The following CRY1 variants were observed in gnomAD, a reference collection of about 807,000 sequenced individuals.
CRY1 encodes the protein cryptochrome-1.
A neutral mutation model predicts 76.0 loss-of-function variants in CRY1; 45 were observed. That is an observed-to-expected ratio of 0.59 (90% CI 0.47 to 0.76). The LOEUF is 0.76. Among genes scored for constraint, CRY1 ranks in the 30% least tolerant of loss-of-function variants. The pLI is 0.00. For synonymous variants in CRY1, 248 were observed against 244.0 expected, an observed-to-expected ratio of 1.02 and a Z score of -0.15; for missense variants, 587 against 716.4, an observed-to-expected ratio of 0.82 and a Z score of 2.06.
intron 1 of CRY1, among the ~76,000 whole-genome samples, chr12:107,025,168 T>C (rs1169194165): frequency 6.6e-6 from 1 of 152,160 alleles, no homozygotes; most frequent in East Asian, 1.9e-4. Flanking sequence ...GGGTTTGAGA[T>C]AGGGGTGAGA....
At chr12:107,072,565 A>G (rs1953202889) in intron 1 of CRY1, among the ~76,000 whole-genome samples, 1 of 152,190 alleles carries the variant, frequency 6.6e-6, no homozygotes. Context: ...TGGGGGCATA[A>G]AAAGGATAGG....
intron 1 of CRY1, among the ~76,000 whole-genome samples, chr12:107,081,418 A>T (rs1953324005): frequency 6.6e-6 from 1 of 152,044 alleles, no homozygotes; most frequent in African/African-American, 2.4e-5. Context: ...TTCCCCAGAT[A>T]CATGTATAGC....
At chr12:107,061,602 G>C (rs1278752081) in intron 1 of CRY1, among the ~76,000 whole-genome samples, 1 of 151,816 alleles carries the variant, frequency 6.6e-6, no homozygotes, top group African/African-American at 2.4e-5. Context: ...GGCTGGTCTT[G>C]AACTCCTGAC....
At chr12:107,066,794 T>C (rs1953117519) in intron 1 of CRY1, among the ~76,000 whole-genome samples, 1 of 151,890 alleles carries the variant, frequency 6.6e-6, no homozygotes, top group South Asian at 2.1e-4. Context: ...TGCTGTTGTT[T>C]GTTTTGTTTT....
intron 2 of CRY1, among the ~76,000 whole-genome samples, chr12:107,012,967 T>A (rs1242093647): frequency 6.6e-6 from 1 of 152,216 alleles, no homozygotes; most frequent in African/African-American, 2.4e-5. Flanking sequence ...AGGAGCCGCT[T>A]TCTATGGATG....
chr12:107,054,973 T>A (rs1952966513), intron 1 of CRY1, among the ~76,000 whole-genome samples: 1 of 152,080 alleles, frequency 6.6e-6, no homozygotes, highest in Admixed American at 6.5e-5. Context: ...TTTAACATTC[T>A]TCTGATAATA....
intron 1 of CRY1, among the ~76,000 whole-genome samples, chr12:107,053,517 C>T (rs1339947209): frequency 1.3e-5 from 2 of 152,136 alleles, no homozygotes; most frequent in African/African-American, 4.8e-5. Flanking sequence ...GGGGTTTCTC[C>T]ATGTTGGTCA....
intron 2 of CRY1, among the ~76,000 whole-genome samples, chr12:107,006,311 G>A (rs777172274): frequency 2.0e-5 from 3 of 152,006 alleles, no homozygotes; most frequent in Non-Finnish European, 4.4e-5. Context: ...ACTTGAACCC[G>A]GGAGGTGGAG....
At chr12:107,003,579 A>G (rs1417869332) in intron 3 of CRY1, among the ~76,000 whole-genome samples, 1 of 152,208 alleles carries the variant, frequency 6.6e-6, no homozygotes, top group Non-Finnish European at 1.5e-5. Context: ...TCACCATAAA[A>G]GATATCCTGT....
intron 2 of CRY1, among the ~76,000 whole-genome samples, chr12:107,021,574 C>T (rs532084077): frequency 6.6e-6 from 1 of 152,276 alleles, no homozygotes; most frequent in Admixed American, 6.5e-5. Flanking sequence ...TATGGAACAA[C>T]TTCCAAAAGA....
Position 107,093,163 on chromosome 12 carries a change from T to G in CRY1, c.-202A>C. 79 of 561,108 alleles carry G rather than the reference T, an allele frequency of 1.4e-4. No individual in the cohort carries two copies. The highest frequency in any genetic ancestry group is 1.6e-4 in the Non-Finnish European group (53 of 340,792). 34.8% of individuals were successfully genotyped at this position (561,108 alleles called of 1,614,324 possible). A position where few individuals can be genotyped will look rare whatever the true frequency, so the allele number is the denominator to read the frequency against. On this transcript the variant is annotated 5_prime_UTR_variant, in exon 1 of 13. Transcript: ENST00000008527. ...GGCGCAGTGGAAAGATGAATGGAGG[T>G]TGCCTAGTCGGCGGAGTCCGGGTGT...
At chr12:107,043,729 A>T (rs368981808) in intron 1 of CRY1, among the ~76,000 whole-genome samples, 12 of 152,218 alleles carry the variant, frequency 7.9e-5, no homozygotes, top group African/African-American at 2.9e-4. Flanking sequence ...GCAGGGTCCA[A>T]TGACAGCTGT....
chr12:107,013,013 C>T (rs1413211412), intron 2 of CRY1, among the ~76,000 whole-genome samples: 2 of 152,144 alleles, frequency 1.3e-5, no homozygotes, highest in African/African-American at 4.8e-5. Flanking sequence ...GAATCTACTG[C>T]TGGTGAAGAT....
At chr12:107,076,262 T>C (rs1195204978) in intron 1 of CRY1, among the ~76,000 whole-genome samples, 1 of 152,126 alleles carries the variant, frequency 6.6e-6, no homozygotes, top group Non-Finnish European at 1.5e-5. Context: ...AATGATTTCC[T>C]TTTTCAAGTA....
At chr12:107,045,706 T>C (rs1480453478) in intron 1 of CRY1, among the ~76,000 whole-genome samples, 1 of 152,066 alleles carries the variant, frequency 6.6e-6, no homozygotes, top group African/African-American at 2.4e-5. Flanking sequence ...TTCAGCCTTC[T>C]ACCTATGGCT....
At chr12:107,086,552 G>A (rs1270082649) in intron 1 of CRY1, among the ~76,000 whole-genome samples, 1 of 152,166 alleles carries the variant, frequency 6.6e-6, no homozygotes, top group Non-Finnish European at 1.5e-5. Flanking sequence ...GCCTTGTGCG[G>A]TCTTGAGATG....
chr12:107,029,205 A>T (rs1327375934), intron 1 of CRY1, among the ~76,000 whole-genome samples: 1 of 152,104 alleles, frequency 6.6e-6, no homozygotes, highest in Non-Finnish European at 1.5e-5. Flanking sequence ...GCACCTAGAG[A>T]CAACTATTTA....
At chr12:107,066,935 G>A (rs566021863) in intron 1 of CRY1, among the ~76,000 whole-genome samples, 8 of 151,822 alleles carry the variant, frequency 5.3e-5, no homozygotes, top group East Asian at 1.9e-4. Flanking sequence ...GAGTAGCTGC[G>A]ACTACAAGCA....
chr12:107,069,663 T>TATAA (rs1953162409), intron 1 of CRY1, among the ~76,000 whole-genome samples: 1 of 137,684 alleles, frequency 7.3e-6, no homozygotes, highest in African/African-American at 2.7e-5. Flanking sequence ...AAAGTATATA[T>TATAA]AAAGTATATA....
Sources: gnomAD v4.1 joint callset for allele counts (sites outside exome capture counted in the v4.1 genomes callset) on GRCh38, gnomAD v4.1.1 for gene constraint, MANE v1.5 for transcripts, NCBI Gene and HGNC (gene_info 2026-07-23, HGNC 2026-07-21) for gene names.